CBLN2: variants seen among roughly 807,000 people sequenced by gnomAD.
The protein encoded by CBLN2 is cerebellin-2.
CBLN2 carries 7 observed loss-of-function variants against 15.0 expected under a neutral mutation model. The ratio of observed to expected loss-of-function variants is 0.47; its 90% CI spans 0.27 to 0.88. The LOEUF (loss-of-function observed/expected upper bound fraction) is 0.88, where lower values mean the gene tolerates loss of function less well. CBLN2 is among the 40% of genes least tolerant of loss of function. CBLN2 has a pLI of 0.14. For missense variants in CBLN2, 242 were observed against 304.5 expected (o/e 0.79, Z 1.53); for synonymous variants, 149 against 135.2 (o/e 1.10, Z -0.71).
At chr18:72,610,062 T>C (rs550054736) in intron 1 of CBLN2, among the ~76,000 whole-genome samples, 16 of 152,316 alleles carry the variant, frequency 1.1e-4, no homozygotes, top group Admixed American at 5.9e-4. Context: ...CCCACACTTT[T>C]GCAGGCTGAA....
chr18:72,565,644 A>G (rs1248418752), intron 1 of CBLN2, among the ~76,000 whole-genome samples: 2 of 152,180 alleles, frequency 1.3e-5, no homozygotes, highest in Non-Finnish European at 2.9e-5. Context: ...TAGTTACACA[A>G]ATAAGAAAGA....
intron 1 of CBLN2, among the ~76,000 whole-genome samples, chr18:72,575,029 T>C (rs1401326196): frequency 2.0e-5 from 3 of 151,978 alleles, no homozygotes; most frequent in Non-Finnish European, 4.4e-5. Flanking sequence ...GTGATTATAG[T>C]GAGTAAGCAG....
chr18:72,598,129 A>G (rs1313060765), intron 1 of CBLN2, among the ~76,000 whole-genome samples: 3 of 151,872 alleles, frequency 2.0e-5, no homozygotes, highest in African/African-American at 4.8e-5. Context: ...CCCCATAACC[A>G]CCATATCTTG....
chr18:72,548,862 C>T (rs569440888), upstream of CBLN2, among the ~76,000 whole-genome samples: 14 of 152,038 alleles, frequency 9.2e-5, no homozygotes, highest in African/African-American at 1.9e-4. Flanking sequence ...GATTCACATA[C>T]GAGAAAAAGG....
intron 1 of CBLN2, among the ~76,000 whole-genome samples, chr18:72,617,594 T>C (rs1260323755): frequency 2.0e-5 from 3 of 152,228 alleles, no homozygotes; most frequent in Non-Finnish European, 4.4e-5. Flanking sequence ...TGTAGACATT[T>C]TGCCTCGCAT....
At chr18:72,593,939 A>T (rs2069496760) in intron 1 of CBLN2, among the ~76,000 whole-genome samples, 1 of 152,192 alleles carries the variant, frequency 6.6e-6, no homozygotes, top group African/African-American at 2.4e-5. Flanking sequence ...TACACCATGG[A>T]ATATTATGCA....
chr18:72,583,216 A>T (rs1314063691), intron 1 of CBLN2, among the ~76,000 whole-genome samples: 1 of 152,154 alleles, frequency 6.6e-6, no homozygotes, highest in East Asian at 1.9e-4. Context: ...AAAATTTCCA[A>T]TCCTTTTTGT....
At chr18:72,547,828 G>T (rs921400619), upstream of CBLN2, among the ~76,000 whole-genome samples, 2 of 152,118 alleles carry the variant, frequency 1.3e-5, no homozygotes, top group Non-Finnish European at 2.9e-5. Context: ...CTGTATTTTT[G>T]ATCGTTTAGT....
chr18:72,636,423 T>TA (rs2069812989), intron 1 of CBLN2, among the ~76,000 whole-genome samples: 1 of 152,204 alleles, frequency 6.6e-6, no homozygotes, highest in African/African-American at 2.4e-5. Context: ...TTCTGTTCTT[T>TA]ATGGCAGAGT....
intron 1 of CBLN2, among the ~76,000 whole-genome samples, chr18:72,595,435 C>T (rs1028460096): frequency 2.0e-5 from 3 of 151,952 alleles, no homozygotes; most frequent in African/African-American, 7.3e-5. Flanking sequence ...GTTTCGTGGT[C>T]TAATGTATAG....
Position 72,537,585 on chromosome 18 carries a change from G to C in CBLN2, c.*591C>G, listed in dbSNP as rs986627960. 2 of 152,670 alleles carry C rather than the reference G, an allele frequency of 1.3e-5. No individual in the cohort carries two copies. Among genetic ancestry groups the C allele is most frequent in the Non-Finnish European group, 2.9e-5 (2 of 68,076 alleles). 9.5% of individuals were successfully genotyped at this position (152,670 alleles called of 1,614,324 possible). ...ATTGCAGTCCAATCGTGCAAAATTT[G>C]CTTCTCTGGATAAAGCACTTCTTGA... On this transcript the variant is annotated 3_prime_UTR_variant, in exon 5 of 5. Coordinates refer to ENST00000269503, the MANE Select transcript of CBLN2 (RefSeq NM_182511.4).
At chr18:72,613,380 C>T (rs1485344187) in intron 1 of CBLN2, among the ~76,000 whole-genome samples, 2 of 152,180 alleles carry the variant, frequency 1.3e-5, no homozygotes, top group African/African-American at 4.8e-5. Flanking sequence ...TTGAAGTGTG[C>T]CACTTACTCT....
At chr18:72,623,097 G>C (rs140592019) in intron 1 of CBLN2, among the ~76,000 whole-genome samples, 1 of 152,090 alleles carries the variant, frequency 6.6e-6, no homozygotes, top group South Asian at 2.1e-4. Context: ...GGAAGAGAGC[G>C]AAGGGGGAGG....
At chr18:72,580,588 T>C (rs896906807) in intron 1 of CBLN2, among the ~76,000 whole-genome samples, 26 of 151,928 alleles carry the variant, frequency 1.7e-4, no homozygotes, top group East Asian at 1.2e-3. Context: ...ATCACACACA[T>C]ATATATATAT....
intron 1 of CBLN2, among the ~76,000 whole-genome samples, chr18:72,563,920 C>T (rs2069277558): frequency 6.6e-6 from 1 of 152,218 alleles, no homozygotes; most frequent in Non-Finnish European, 1.5e-5. Flanking sequence ...GAGGCACTCA[C>T]AGGCATTTCT....
chr18:72,617,071 C>T (rs1305165894), intron 1 of CBLN2, among the ~76,000 whole-genome samples: 2 of 152,152 alleles, frequency 1.3e-5, no homozygotes, highest in South Asian at 4.1e-4. Flanking sequence ...TACTTTCCCA[C>T]CACACCTGGC....
chr18:72,542,034 G>C lies in CBLN2; in HGVS notation c.127C>G (p.Leu43Val), dbSNP rs1474030747. ...GVALALLLLL[L>V]PACCPVRAQN... ...GCCCGCACGGGGCAGCAGGCGGGCA[G>C]TAGCAGCAACAGCAGGGCCAGCGCC... is the stretch of plus-strand genomic sequence containing the variant. The change falls in exon 3 of 5, where the codon CTG (leucine) becomes GTG (valine). Residue 43 changes from leucine (L) to valine (V), a missense_variant. By Grantham distance (32) the Leu-to-Val change is conservative (BLOSUM62 1). Around this residue, in one of 4 missense-constraint regions of CBLN2, gnomAD observed 96 missense variants for 83.8 expected, o/e 1.15. Transcript: ENST00000269503. 3.8e-6 allele frequency: 6 copies of C among 1,592,542 alleles called. No individual in the cohort carries two copies. The East Asian group carries it at 6.9e-5, about 18-fold the overall frequency.
At chr18:72,634,276 G>C (rs2069797329) in intron 1 of CBLN2, among the ~76,000 whole-genome samples, 1 of 151,928 alleles carries the variant, frequency 6.6e-6, no homozygotes, top group South Asian at 2.1e-4. Flanking sequence ...TATTACTGTA[G>C]GAGCCTATGA....
chr18:72,574,089 T>C (rs578244709), intron 1 of CBLN2, among the ~76,000 whole-genome samples: 29 of 152,334 alleles, frequency 1.9e-4, no homozygotes, highest in South Asian at 4.1e-4. Flanking sequence ...TTTTCTTTGA[T>C]GAGGTGTCTG....
Sources: gnomAD v4.1 joint callset for allele counts (sites outside exome capture counted in the v4.1 genomes callset) on GRCh38, gnomAD v4.1.1 for gene constraint, gnomAD v4.1.1 regional missense constraint, MANE v1.5 for transcripts, NCBI Gene and HGNC (gene_info 2026-07-23, HGNC 2026-07-21) for gene names.